The following FGD3 variants were observed in gnomAD, a reference collection of about 807,000 sequenced individuals.
The protein encoded by FGD3 is FYVE, RhoGEF and PH domain-containing protein 3.
A neutral mutation model predicts 71.8 loss-of-function variants in FGD3; 45 were observed. That is an observed-to-expected ratio of 0.63 (90% CI 0.49 to 0.80). The LOEUF is 0.80. Among genes scored for constraint, FGD3 ranks in the 30% least tolerant of loss-of-function variants. The pLI, the probability that FGD3 is intolerant of heterozygous loss-of-function variation, is 0.00. For missense variants in FGD3, 844 were observed against 951.5 expected, an observed-to-expected ratio of 0.89 and a Z score of 1.49; for synonymous variants, 378 against 392.8, an observed-to-expected ratio of 0.96 and a Z score of 0.44.
Position 93,034,675 on chromosome 9 carries a change from C to A in FGD3, c.1920C>A (p.Gly640=), listed in dbSNP as rs1190389326. 1 of 1,612,416 alleles carries A rather than the reference C, an allele frequency of 6.2e-7. No individual in the cohort carries two copies. The highest frequency in any genetic ancestry group is 1.3e-5 in the African/African-American group (1 of 74,866). Reference sequence around the variant, plus strand: ...CCCAGGTGCTGCACCTGCAGGGAGGCAGCCAGGTACGTGTCCCCACCCCAC... The same window carrying A: ...CCCAGGTGCTGCACCTGCAGGGAGGAAGCCAGGTACGTGTCCCCACCCCAC... ...SDPQVLHLQG[G]SQDGRLPRTI... is the part of the protein sequence containing the mutation. Residue 640 remains glycine, a synonymous_variant, in exon 17 of 18, where the codon GGC becomes GGA. Coordinates refer to ENST00000375482, the MANE Select transcript of FGD3 (RefSeq NM_001083536.2).
At chr9:92,973,981 C>A (rs1321673049) in intron 1 of FGD3, among the ~76,000 whole-genome samples, 1 of 152,234 alleles carries the variant, frequency 6.6e-6, no homozygotes, top group Admixed American at 6.5e-5. Flanking sequence ...GAAATGGTCT[C>A]TGGGCAGTGA....
chr9:92,990,276 A>G (rs1860357053), intron 3 of FGD3, among the ~76,000 whole-genome samples: 2 of 151,930 alleles, frequency 1.3e-5, no homozygotes, highest in Middle Eastern at 3.4e-3. Flanking sequence ...TGTCTATACA[A>G]AAAAATTAAA....
At position 93,034,663 on chromosome 9, in the gene FGD3, C is replaced by A. The variant is rs774092264; in HGVS notation, c.1908C>A (p.His636Gln). The change falls in exon 17 of 18, where the codon CAC becomes CAA. Residue 636 changes from histidine (H) to glutamine (Q), a missense_variant. Transcript: ENST00000375482. ...CCATGTCAGATCCCCAGGTGCTGCA[C>A]CTGCAGGGAGGCAGCCAGGTACGTG... Reference protein sequence around the residue: ...AIPMSDPQVLHLQGGSQDGRL... With the variant: ...AIPMSDPQVLQLQGGSQDGRL... 1 of 1,613,128 alleles carries A rather than the reference C, an allele frequency of 6.2e-7. No individual in the cohort carries two copies. The highest frequency in any genetic ancestry group is 2.2e-5 in the East Asian group (1 of 44,866).
At chr9:93,010,471 TG>T (rs1861275908) in intron 7 of FGD3, 87 bp downstream of exon 7, 12 of 1,343,704 alleles carry the variant, frequency 8.9e-6, no homozygotes, top group South Asian at 6.0e-5. Context: ...GAGAGAGTCG[TG>T]GGGTCATGGG....
At chr9:92,965,888 C>T (rs1349029362) in intron 1 of FGD3, among the ~76,000 whole-genome samples, 2 of 152,190 alleles carry the variant, frequency 1.3e-5, no homozygotes, top group African/African-American at 2.4e-5. Flanking sequence ...TCAGTAAGGG[C>T]AGTGCTGGGC....
At chr9:93,004,602 C>T (rs916663041) in intron 5 of FGD3, among the ~76,000 whole-genome samples, 2 of 152,202 alleles carry the variant, frequency 1.3e-5, no homozygotes, top group Admixed American at 6.5e-5. Context: ...AGCAGAGGGA[C>T]AGCTCAGTGC....
chr9:92,976,857 C>T, intron 3 of FGD3, 148 bp downstream of exon 3: 1 of 958,628 alleles, frequency 1.0e-6, no homozygotes, highest in South Asian at 1.8e-5. Context: ...TCCTGGGATG[C>T]AGTCTGCCCT....
intron 3 of FGD3, among the ~76,000 whole-genome samples, chr9:92,995,887 T>C (rs1219906493): frequency 1.3e-5 from 2 of 152,240 alleles, no homozygotes; most frequent in African/African-American, 2.4e-5. Context: ...CAGTATTTTA[T>C]TGAGGATTTT....
chr9:93,015,477 T>C (rs997528568), intron 9 of FGD3, among the ~76,000 whole-genome samples: 3 of 152,176 alleles, frequency 2.0e-5, no homozygotes, highest in Middle Eastern at 3.4e-3. Context: ...AAAAAGGTTT[T>C]TTTTTAAATT....
intron 3 of FGD3, among the ~76,000 whole-genome samples, chr9:92,998,444 A>C (rs779867654): frequency 6.6e-6 from 1 of 152,038 alleles, no homozygotes; most frequent in African/African-American, 2.4e-5. Context: ...GAAGTTTGTT[A>C]TTACCAATCA....
intron 3 of FGD3, among the ~76,000 whole-genome samples, chr9:92,996,537 C>T (rs746562495): frequency 9.2e-5 from 14 of 152,042 alleles, no homozygotes; most frequent in Non-Finnish European, 1.5e-4. Context: ...TGTGTTTGCT[C>T]TTGCTTCTCT....
chr9:92,969,360 C>T lies in FGD3; in HGVS notation c.-217-5878C>T, dbSNP rs1286573544. On this transcript the variant is annotated intron_variant, in intron 1 of 17. Coordinates refer to ENST00000375482, the MANE Select transcript of FGD3 (RefSeq NM_001083536.2). The surrounding 1 kb of genome is among the most constrained non-coding windows in gnomAD (Gnocchi z 4.5). ...TCCAAGTGTGAGAGCCCAGAGCTGTCTTCCCTCCTGACCTGGCCTCCCACA... is the reference window on the plus strand; with the variant it reads ...TCCAAGTGTGAGAGCCCAGAGCTGTTTTCCCTCCTGACCTGGCCTCCCACA... Among the ~76,000 whole-genome samples the T allele has an allele frequency of 6.6e-6, 1 of 152,242 alleles. No homozygotes were observed. The highest frequency in any genetic ancestry group is 2.4e-5 in the African/African-American group (1 of 41,468).
chr9:93,028,220 A>ACG (rs1554740298), intron 14 of FGD3, among the ~76,000 whole-genome samples: 21,005 of 138,688 alleles, frequency 0.15, 1,507 homozygotes, highest in Non-Finnish European at 0.17. Context: ...ACACACACGC[A>ACG]CACACACACA....
At chr9:93,005,232 C>G (rs1050046695) in intron 5 of FGD3, among the ~76,000 whole-genome samples, 1 of 152,160 alleles carries the variant, frequency 6.6e-6, no homozygotes, top group East Asian at 1.9e-4. Context: ...ACACCATTCC[C>G]CTGCCTCAGC....
At position 92,976,236 on chromosome 9, in the gene FGD3, C is replaced by T; in HGVS notation, c.-21C>T. On this transcript the variant is annotated 5_prime_UTR_variant, in exon 3 of 18. Transcript: ENST00000375482. ...GCCCCTGGCCAGCCTCCACCTGAGC[C>T]CAGTGAGCTCAGCTTTAAGGATGGA... The T allele has an allele frequency of 6.5e-7, 1 of 1,535,122 alleles. No homozygotes were observed. The highest frequency in any genetic ancestry group is 2.0e-5 in the Admixed American group (1 of 50,740).
intron 1 of FGD3, among the ~76,000 whole-genome samples, chr9:92,961,611 A>T (rs1042491724): frequency 6.6e-6 from 1 of 152,112 alleles, no homozygotes; most frequent in African/African-American, 2.4e-5. Flanking sequence ...AATAGGAAAC[A>T]CTTAACTCTT....
At chr9:92,987,442 AAAAG>A (rs1225301357) in intron 3 of FGD3, among the ~76,000 whole-genome samples, 1 of 151,734 alleles carries the variant, frequency 6.6e-6, no homozygotes, top group Non-Finnish European at 1.5e-5. Context: ...AAAAAAAAAA[AAAAG>A]AAAGAAAGAA....
At chr9:92,998,677 T>C in intron 3 of FGD3, among the ~76,000 whole-genome samples, 1 of 152,194 alleles carries the variant, frequency 6.6e-6, no homozygotes. Flanking sequence ...CCTTTCTGTT[T>C]GTTAGTTTTC....
Position 92,976,193 on chromosome 9 carries a change from G to A in FGD3, c.-49-15G>A. On this transcript the variant is annotated splice_polypyrimidine_tract_variant and intron_variant, in intron 2 of 17. Transcript: ENST00000375482. ...GCCTGGCTAGCACTGACTCTGGCTT[G>A]TTTCTCCCCTACAGGAAGCCCCTGG... The A allele has an allele frequency of 7.1e-7, 1 of 1,417,682 alleles. No individual in the cohort carries two copies. The highest frequency in any genetic ancestry group is 2.5e-5 in the East Asian group (1 of 39,914). 87.8% of individuals were successfully genotyped at this position (1,417,682 alleles called of 1,614,324 possible).
Sources: allele counts gnomAD v4.1 joint callset (sites outside exome capture counted in the v4.1 genomes callset), GRCh38; gene constraint gnomAD v4.1.1; non-coding constraint Gnocchi (gnomAD v3.1); transcripts MANE v1.5; gene names NCBI Gene and HGNC (gene_info 2026-07-23, HGNC 2026-07-21).